MAGI2: variants seen among roughly 807,000 people sequenced by gnomAD.
The protein encoded by MAGI2 is membrane associated guanylate kinase, WW and PDZ domain containing 2, also known as membrane-associated guanylate kinase, WW and PDZ domain-containing protein 2.
A neutral mutation model predicts 133.3 loss-of-function variants in MAGI2; 35 were observed. The observed-to-expected ratio is 0.26, with a 90% CI of 0.20 to 0.35. The LOEUF is 0.35. Among genes scored for constraint, MAGI2 ranks in the 10% least tolerant of loss-of-function variants. The pLI, the probability that MAGI2 is intolerant of heterozygous loss-of-function variation, is 1.00. For missense variants in MAGI2, 1,636 were observed against 1,863.4 expected (o/e 0.88, Z 2.25); for synonymous variants, 729 against 710.6 (o/e 1.03, Z -0.41).
intron 1 of MAGI2, among the ~76,000 whole-genome samples, chr7:79,358,054 C>T (rs1842141114): frequency 6.6e-6 from 1 of 152,010 alleles, no homozygotes; most frequent in African/African-American, 2.4e-5. Flanking sequence ...TTGAAATCAA[C>T]ATATTAATAT....
intron 1 of MAGI2, among the ~76,000 whole-genome samples, chr7:79,184,109 G>A (rs962587165): frequency 2.6e-5 from 4 of 151,602 alleles, no homozygotes; most frequent in African/African-American, 9.7e-5. Flanking sequence ...AATGTATTGT[G>A]TATTTCAAAA....
chr7:78,202,926 C>G (rs1016748811), intron 10 of MAGI2, among the ~76,000 whole-genome samples: 1 of 152,072 alleles, frequency 6.6e-6, no homozygotes, highest in Non-Finnish European at 1.5e-5. Flanking sequence ...AAAGAGTTGA[C>G]AGTAAAAATT....
chr7:78,766,059 C>T (rs1206198334), intron 2 of MAGI2, among the ~76,000 whole-genome samples: 1 of 152,180 alleles, frequency 6.6e-6, no homozygotes, highest in Non-Finnish European at 1.5e-5. Context: ...GCCAGCAGTT[C>T]CTTAGCTCGG....
intron 9 of MAGI2, among the ~76,000 whole-genome samples, chr7:78,335,546 A>G (rs1010308016): frequency 6.6e-6 from 1 of 152,194 alleles, no homozygotes; most frequent in African/African-American, 2.4e-5. Context: ...ACCACACTCT[A>G]GTAAAATAAA....
chr7:79,106,450 A>G (rs1274250508), intron 1 of MAGI2, among the ~76,000 whole-genome samples: 1 of 152,232 alleles, frequency 6.6e-6, no homozygotes, highest in Non-Finnish European at 1.5e-5. Flanking sequence ...GGTAAATTTT[A>G]TATAAATTTT....
intron 1 of MAGI2, among the ~76,000 whole-genome samples, chr7:79,406,075 CA>C (rs1246890940): frequency 6.6e-6 from 1 of 152,000 alleles, no homozygotes; most frequent in African/African-American, 2.4e-5. Flanking sequence ...AAGAATTTTA[CA>C]AAGTTAATAA....
intron 9 of MAGI2, among the ~76,000 whole-genome samples, chr7:78,301,464 G>A (rs148736109): frequency 5.6e-4 from 85 of 152,272 alleles, no homozygotes; most frequent in Middle Eastern, 3.4e-3. Flanking sequence ...CCAGGCATGC[G>A]AGACTCAGGC....
chr7:79,365,463 GA>G (rs533535975), intron 1 of MAGI2, among the ~76,000 whole-genome samples: 1 of 152,126 alleles, frequency 6.6e-6, no homozygotes, highest in Non-Finnish European at 1.5e-5. Context: ...TCCCCAAACT[GA>G]AATCAGCTCA....
chr7:78,047,932 C>T (rs533069164), intron 21 of MAGI2, among the ~76,000 whole-genome samples: 6 of 152,352 alleles, frequency 3.9e-5, no homozygotes, highest in African/African-American at 1.2e-4. Context: ...CATATTCTTG[C>T]AGTCCTCCTT....
chr7:78,141,477 C>G (rs1325570008), intron 16 of MAGI2, among the ~76,000 whole-genome samples: 7 of 152,064 alleles, frequency 4.6e-5, no homozygotes, highest in Non-Finnish European at 7.4e-5. Flanking sequence ...TCTTTGTCAT[C>G]ATGGGGTGGA....
intron 16 of MAGI2, among the ~76,000 whole-genome samples, chr7:78,151,725 C>T (rs1291012835): frequency 1.3e-5 from 2 of 152,200 alleles, no homozygotes; most frequent in African/African-American, 2.4e-5. Context: ...TGATTTCTCA[C>T]TCTGGCCAAG....
At chr7:78,476,077 T>C (rs964085813) in intron 6 of MAGI2, among the ~76,000 whole-genome samples, 1 of 151,916 alleles carries the variant, frequency 6.6e-6, no homozygotes, top group Non-Finnish European at 1.5e-5. Context: ...TCATTTGCAT[T>C]TTTCATGGCA....
At chr7:78,645,927 T>C (rs939839102) in intron 2 of MAGI2, among the ~76,000 whole-genome samples, 2 of 152,046 alleles carry the variant, frequency 1.3e-5, no homozygotes, top group African/African-American at 2.4e-5. Flanking sequence ...TTAGTAGAGA[T>C]GGTATTTCGC....
At chr7:79,037,362 A>T (rs1166931204) in intron 1 of MAGI2, among the ~76,000 whole-genome samples, 1 of 152,112 alleles carries the variant, frequency 6.6e-6, no homozygotes, top group Non-Finnish European at 1.5e-5. Flanking sequence ...CGTACTAGGA[A>T]TTGTTGCTTT....
intron 6 of MAGI2, among the ~76,000 whole-genome samples, chr7:78,476,729 C>T (rs1373286244): frequency 6.6e-6 from 1 of 151,890 alleles, no homozygotes; most frequent in Admixed American, 6.6e-5. Flanking sequence ...AAAGATAATT[C>T]CTGGTAGATA....
chr7:78,279,931 G>T (rs1238500207), intron 9 of MAGI2, among the ~76,000 whole-genome samples: 1 of 152,118 alleles, frequency 6.6e-6, no homozygotes, highest in East Asian at 1.9e-4. Flanking sequence ...ACACCTGCAG[G>T]CATCCTCAAA....
chr7:78,698,629 A>C (rs1432521480), intron 2 of MAGI2, among the ~76,000 whole-genome samples: 1 of 152,194 alleles, frequency 6.6e-6, no homozygotes, highest in Non-Finnish European at 1.5e-5. Flanking sequence ...ATAAAGATAT[A>C]CCCCAAACTG....
At chr7:78,141,362 G>A (rs756675764) in intron 16 of MAGI2, among the ~76,000 whole-genome samples, 38 of 152,042 alleles carry the variant, frequency 2.5e-4, no homozygotes, top group Non-Finnish European at 3.8e-4. Context: ...ATTTTCCATC[G>A]CTGCTTCCTA....
chr7:78,432,580 G>A (rs1319228724), intron 6 of MAGI2, among the ~76,000 whole-genome samples: 1 of 152,092 alleles, frequency 6.6e-6, no homozygotes. Flanking sequence ...GAACATATTA[G>A]TATTTTGTAT....
Sources: allele counts gnomAD v4.1 joint callset (sites outside exome capture counted in the v4.1 genomes callset), GRCh38; gene constraint gnomAD v4.1.1; transcripts MANE v1.5; gene names NCBI Gene and HGNC (gene_info 2026-07-23, HGNC 2026-07-21).